Variants in AFF1 observed in about 807,000 individuals in gnomAD.
The protein encoded by AFF1 is AF4/FMR2 family member 1.
AFF1 carries 48 observed loss-of-function variants against 121.7 expected under a neutral mutation model. That is an observed-to-expected ratio of 0.39 (90% confidence interval 0.31 to 0.50). AFF1 has a LOEUF of 0.50. AFF1 is among the 20% of genes least tolerant of loss of function. AFF1 has a pLI of 0.76. For synonymous variants in AFF1, 613 were observed against 563.0 expected, an observed-to-expected ratio of 1.09 and a Z score of -1.26; for missense variants, 1,523 against 1,511.7, an observed-to-expected ratio of 1.01 and a Z score of -0.12.
intron 2 of AFF1, among the ~76,000 whole-genome samples, chr4:87,011,091 A>G (rs1410277687): frequency 7.3e-4 from 110 of 149,784 alleles, no homozygotes; most frequent in African/African-American, 2.6e-3. Flanking sequence ...AAAAAAAAAA[A>G]AAAAAAGAAA....
At chr4:87,059,955 G>A (rs1720563998) in intron 4 of AFF1, among the ~76,000 whole-genome samples, 1 of 152,198 alleles carries the variant, frequency 6.6e-6, no homozygotes, top group Non-Finnish European at 1.5e-5. Context: ...TGCTCAGCTT[G>A]AGGATTTCTT....
At chr4:87,001,541 A>T (rs1380569329) in intron 2 of AFF1, among the ~76,000 whole-genome samples, 1 of 152,128 alleles carries the variant, frequency 6.6e-6, no homozygotes, top group Admixed American at 6.5e-5. Context: ...CAAGTGGAGA[A>T]AACCAAGTGG....
chr4:86,997,759 C>CT (rs1312699275), intron 2 of AFF1, among the ~76,000 whole-genome samples: 35 of 122,124 alleles, frequency 2.9e-4, no homozygotes, highest in Admixed American at 3.5e-4. Flanking sequence ...GAGACTCCAT[C>CT]TCAAAAAAAA....
At chr4:87,084,355 A>G (rs1333099399) in intron 5 of AFF1, among the ~76,000 whole-genome samples, 191 bp downstream of exon 5, 2 of 152,092 alleles carry the variant, frequency 1.3e-5, no homozygotes, top group East Asian at 1.9e-4. Flanking sequence ...CCTGGACAAC[A>G]TAGCAAAACC....
chr4:86,990,430 C>T (rs537086424), intron 2 of AFF1, among the ~76,000 whole-genome samples: 3 of 151,810 alleles, frequency 2.0e-5, no homozygotes, highest in Middle Eastern at 3.4e-3. Flanking sequence ...CTTTGGTCAG[C>T]GTTGATATCA....
chr4:87,070,118 G>A (rs1025637875), intron 4 of AFF1, among the ~76,000 whole-genome samples: 14 of 151,674 alleles, frequency 9.2e-5, no homozygotes, highest in East Asian at 3.9e-4. Flanking sequence ...ATTGTCCTGC[G>A]TCAGCCTCCT....
intron 8 of AFF1, among the ~76,000 whole-genome samples, chr4:87,101,459 C>G (rs1301623612): frequency 6.6e-6 from 1 of 152,092 alleles, no homozygotes; most frequent in Non-Finnish European, 1.5e-5. Context: ...AACCTTTGGT[C>G]CCAGCTACTC....
intron 2 of AFF1, among the ~76,000 whole-genome samples, chr4:87,010,278 T>G (rs1726603512): frequency 6.6e-6 from 1 of 152,208 alleles, no homozygotes; most frequent in African/African-American, 2.4e-5. Flanking sequence ...CTTTTAAAAT[T>G]TAGATTTTTG....
rs1729605519 is a variant in AFF1, at chr4:87,140,112, G to A, written c.*4411G>A. ...TTGTGAGCCTATATATTAGTATATC[G>A]GCCTGGAGAGGACAAGGGAATAAGA... On this transcript the variant is annotated 3_prime_UTR_variant, in exon 21 of 21. Transcript: ENST00000395146. The A allele has an allele frequency of 9.9e-6, 2 of 202,998 alleles. No homozygotes were observed. The highest frequency in any genetic ancestry group is 2.0e-5 in the Non-Finnish European group (2 of 98,808). 12.6% of individuals were successfully genotyped at this position (202,998 alleles called of 1,614,324 possible). A position where few individuals can be genotyped will look rare whatever the true frequency, so the allele number is the denominator to read the frequency against.
chr4:87,028,642 C>T (rs1032932852), intron 2 of AFF1, among the ~76,000 whole-genome samples: 1 of 152,098 alleles, frequency 6.6e-6, no homozygotes, highest in Admixed American at 6.5e-5. Context: ...TTTTTCTTCA[C>T]CTAGGTTGTC....
chr4:86,971,580 G>A (rs1311666300), intron 2 of AFF1, among the ~76,000 whole-genome samples: 1 of 152,202 alleles, frequency 6.6e-6, no homozygotes, highest in Non-Finnish European at 1.5e-5. Flanking sequence ...TATAAGGCTG[G>A]TAAATTAGAG....
intron 11 of AFF1, among the ~76,000 whole-genome samples, chr4:87,108,677 T>C (rs61389581): frequency 1.1e-3 from 169 of 152,328 alleles, no homozygotes; most frequent in African/African-American, 3.8e-3. Flanking sequence ...TTAATATTAA[T>C]GAGAATTCTT....
rs545977187 is a variant in AFF1 at position 86,945,611 on chromosome 4, C to T, written c.-36-2887C>T. On this transcript the variant is annotated intron_variant, in intron 1 of 20. Coordinates refer to ENST00000395146, the MANE Select transcript of AFF1 (RefSeq NM_001166693.3). ...TCCTTCCTGGGCTCAACCAATCCTC[C>T]TGCCTCAGCCTCCTCAGTAGCTAGG... Among the ~76,000 whole-genome samples, 7 of 151,382 alleles carry T rather than the reference C, an allele frequency of 4.6e-5. No individual in the cohort carries two copies. The East Asian group carries it at 1.4e-3, about 29-fold the overall frequency.
intron 2 of AFF1, among the ~76,000 whole-genome samples, chr4:86,948,779 G>A (rs1278591667): frequency 6.6e-6 from 1 of 152,176 alleles, no homozygotes; most frequent in Non-Finnish European, 1.5e-5. Context: ...CGCTGAGTCT[G>A]TTAACTCATT....
At chr4:87,002,227 G>T (rs991049039) in intron 2 of AFF1, among the ~76,000 whole-genome samples, 1 of 151,200 alleles carries the variant, frequency 6.6e-6, no homozygotes, top group African/African-American at 2.4e-5. Context: ...TGAGTAGCTG[G>T]GACTACAAGT....
At position 87,052,552 on chromosome 4, in the gene AFF1, C is replaced by T. The variant is rs182258515; in HGVS notation, c.1059+4958C>T. Among the ~76,000 whole-genome samples, 195 of 151,772 alleles carry T rather than the reference C, an allele frequency of 1.3e-3. 2 individuals carry two copies. Among genetic ancestry groups the T allele is most frequent in the Non-Finnish European group, 1.9e-3 (129 of 67,950 alleles). ...GTAAGACCATGGAGGCTTTGTTGGC[C>T]GTGAAAGGCATTTGGGTATTATTTG... On this transcript the variant is annotated intron_variant, in intron 4 of 20. Transcript: ENST00000395146.
intron 4 of AFF1, among the ~76,000 whole-genome samples, chr4:87,067,574 A>G (rs1437492269): frequency 5.9e-5 from 9 of 152,202 alleles, no homozygotes; most frequent in Admixed American, 4.6e-4. Flanking sequence ...TTTCAGGGGC[A>G]TTGCTAAATG....
chr4:87,077,362 A>G (rs1403052393), intron 4 of AFF1, among the ~76,000 whole-genome samples: 1 of 152,190 alleles, frequency 6.6e-6, no homozygotes, highest in Admixed American at 6.5e-5. Context: ...CCAAGGTGTA[A>G]GCTGGGGACA....
intron 4 of AFF1, among the ~76,000 whole-genome samples, chr4:87,060,800 C>G (rs1720669804): frequency 7.7e-6 from 1 of 130,018 alleles, no homozygotes; most frequent in Non-Finnish European, 1.6e-5. Context: ...GATCACGCCA[C>G]TGCACTCCAG....
Sources: gnomAD v4.1 joint callset for allele counts (sites outside exome capture counted in the v4.1 genomes callset) on GRCh38, gnomAD v4.1.1 for gene constraint, MANE v1.5 for transcripts, NCBI Gene and HGNC (gene_info 2026-07-23, HGNC 2026-07-21) for gene names.